BMX: variants seen among roughly 807,000 people sequenced by gnomAD.
BMX encodes cytoplasmic tyrosine-protein kinase BMX.
In BMX, 31 loss-of-function variants were observed where a neutral mutation model predicts 59.2. The ratio of observed to expected loss-of-function variants is 0.52; its 90% CI spans 0.39 to 0.71. The LOEUF is 0.71. Among genes scored for constraint, BMX ranks in the 30% least tolerant of loss-of-function variants. The pLI is 0.00. For synonymous variants in BMX, 185 were observed against 181.0 expected (o/e 1.02, Z -0.18); for missense variants, 474 against 491.7 (o/e 0.96, Z 0.34).
rs773105614 is a variant in BMX at position 15,556,060 on chromosome X, T to C, written c.1954-13T>C. On this transcript the variant is annotated splice_polypyrimidine_tract_variant and intron_variant, in intron 18 of 18. Coordinates refer to ENST00000348343, the MANE Select transcript of BMX (RefSeq NM_203281.3). ...TCATCTAAAACATTGGGTTTCTTGTTGTTTTTGTTTAGCTTCCAGAAAAGC... is the reference window on the plus strand; with the variant it reads ...TCATCTAAAACATTGGGTTTCTTGTCGTTTTTGTTTAGCTTCCAGAAAAGC... The C allele has an allele frequency of 1.7e-6, 2 of 1,196,404 alleles. No individual in the cohort carries two copies. Among genetic ancestry groups the C allele is most frequent in the African/African-American group, 1.8e-5 (1 of 56,687 alleles).
chrX:15,521,606 T>C (rs956813713), intron 6 of BMX, among the ~76,000 whole-genome samples: 3 of 111,260 alleles, frequency 2.7e-5, no homozygotes, highest in Non-Finnish European at 5.7e-5. Context: ...TCCTAAGGGG[T>C]ACTTACATTT....
chrX:15,550,216 T>C (rs1926126733), intron 18 of BMX, among the ~76,000 whole-genome samples: 1 of 111,691 alleles, frequency 9.0e-6, no homozygotes, highest in South Asian at 3.8e-4. Context: ...AAGAACACTA[T>C]AAATATTAAC....
rs1926431225 is a variant in BMX at position 15,556,252 on chromosome X, A to G, written c.*105A>G. 8 of 715,307 alleles carry G rather than the reference A, an allele frequency of 1.1e-5. No individual in the cohort carries two copies. In the South Asian group the frequency reaches 2.5e-4, roughly 23 times the overall value. The allele number at this position is 715,307 out of a possible 1,213,427, so 58.9% of individuals were successfully genotyped here. On this transcript the variant is annotated 3_prime_UTR_variant, in exon 19 of 19. Coordinates refer to ENST00000348343, the MANE Select transcript of BMX (RefSeq NM_203281.3). ...CATAATGTAATTTAGCTAGTTTTTA[A>G]TAGTGTTCTCTGTATTGTCTATTAT...
At chrX:15,554,519 G>GT (rs780036565) in intron 18 of BMX, among the ~76,000 whole-genome samples, 7 of 107,794 alleles carry the variant, frequency 6.5e-5, no homozygotes, top group African/African-American at 2.0e-4. Context: ...GGGTGGGTGG[G>GT]TTTTTTTTTC....
At chrX:15,524,801 C>A (rs934078799) in intron 7 of BMX, among the ~76,000 whole-genome samples, 2 of 111,487 alleles carry the variant, frequency 1.8e-5, no homozygotes, top group Admixed American at 1.9e-4. Flanking sequence ...GCTTAATACC[C>A]CAAATAAAAG....
intron 4 of BMX, among the ~76,000 whole-genome samples, chrX:15,513,786 A>C (rs1388930862): frequency 1.8e-5 from 2 of 111,407 alleles, no homozygotes; most frequent in Non-Finnish European, 3.8e-5. Flanking sequence ...CCTGTACATC[A>C]TAATGTAGTA....
chrX:15,549,954 C>T lies in BMX; in HGVS notation c.1910C>T (p.Ala637Val). Residue 637 changes from alanine to valine, a missense_variant, in exon 18 of 19, where the codon GCA (alanine) becomes GTA (valine). Coordinates refer to ENST00000348343, the MANE Select transcript of BMX (RefSeq NM_203281.3). Reference protein sequence around the residue: ...QGHRLYRPHLASDTIYQIMYS... With the variant: ...QGHRLYRPHLVSDTIYQIMYS... ...CACAGGCTTTACCGGCCCCACCTGG[C>T]ATCGGACACCATCTACCAGATCATG... 5.8e-6 allele frequency: 7 copies of T among 1,209,218 alleles called. No individual in the cohort carries two copies. Among genetic ancestry groups the T allele is most frequent in the Non-Finnish European group, 7.8e-6 (7 of 894,453 alleles).
At chrX:15,537,343 C>A in intron 14 of BMX, 38 bp downstream of exon 14, 4 of 1,190,322 alleles carry the variant, frequency 3.4e-6, no homozygotes, top group Non-Finnish European at 4.5e-6. Flanking sequence ...TAGCCCTCAT[C>A]ATGGGAGGGC....
chrX:15,506,672 G>A (rs1923754497), intron 1 of BMX, among the ~76,000 whole-genome samples: 1 of 111,647 alleles, frequency 9.0e-6, no homozygotes, highest in Non-Finnish European at 1.9e-5. Flanking sequence ...AGTTTGCAAT[G>A]GAAGCAAAGA....
intron 18 of BMX, among the ~76,000 whole-genome samples, chrX:15,551,788 C>G (rs766472872): frequency 9.0e-6 from 1 of 110,706 alleles, no homozygotes; most frequent in South Asian, 3.8e-4. Flanking sequence ...GTTTCCACAC[C>G]TTTTTCTACC....
In BMX at chrX:15,537,137, T is replaced by C; in HGVS notation, c.1226T>C (p.Ile409Thr). The change falls in exon 14 of 19, where the codon ATC (isoleucine) becomes ACC (threonine). Residue 409 changes from isoleucine to threonine, a missense_variant. Physicochemically the swap from Ile to Thr is moderately conservative, Grantham distance 89. Coordinates refer to ENST00000348343, the MANE Select transcript of BMX (RefSeq NM_203281.3). The part of the protein sequence containing the change: ...VPDSVSLGNG[I>T]WELKREEITL... Reference sequence around the variant, plus strand: ...AATGTCCGTCTTGCCTTGTTAGGAATCTGGGAACTGAAAAGAGAAGAGATT... The same window carrying C: ...AATGTCCGTCTTGCCTTGTTAGGAACCTGGGAACTGAAAAGAGAAGAGATT... 1 of 1,210,968 alleles carries C rather than the reference T, an allele frequency of 8.3e-7. No individual in the cohort carries two copies. Among genetic ancestry groups the C allele is most frequent in the South Asian group, 1.8e-5 (1 of 56,945 alleles).
chrX:15,516,935 A>G (rs1327139269), intron 5 of BMX, among the ~76,000 whole-genome samples: 1 of 111,552 alleles, frequency 9.0e-6, no homozygotes, highest in Non-Finnish European at 1.9e-5. Context: ...ACAAAATAGG[A>G]TAACTTATTT....
At chrX:15,501,501 A>T (rs60826916) in intron 1 of BMX, among the ~76,000 whole-genome samples, 291 of 112,517 alleles carry the variant, frequency 2.6e-3, no homozygotes, top group African/African-American at 9.0e-3. Flanking sequence ...ACTCATATCC[A>T]TATAATTTTG....
At chrX:15,529,326 C>T (rs959278251) in intron 9 of BMX, among the ~76,000 whole-genome samples, 1 of 111,545 alleles carries the variant, frequency 9.0e-6, no homozygotes, top group African/African-American at 3.3e-5. Context: ...CCCTTCTACC[C>T]TCACCCCCCT....
intron 9 of BMX, among the ~76,000 whole-genome samples, chrX:15,527,239 C>T (rs1276042291): frequency 8.8e-5 from 3 of 33,948 alleles, no homozygotes; most frequent in African/African-American, 3.6e-4. Context: ...CACACACACA[C>T]ACACACAAAT....
intron 1 of BMX, 136 bp downstream of exon 1, chrX:15,501,076 T>C: frequency 1.9e-6 from 1 of 521,013 alleles, no homozygotes; most frequent in Non-Finnish European, 2.3e-6. Context: ...ATTTTTAATA[T>C]GAAATTGCCA....
chrX:15,538,012 T>C (rs1277285268), intron 14 of BMX, among the ~76,000 whole-genome samples: 2 of 110,834 alleles, frequency 1.8e-5, no homozygotes, highest in African/African-American at 6.6e-5. Flanking sequence ...CTACCAACAA[T>C]ATCCTTTTCC....
chrX:15,516,184 G>A lies in BMX; in HGVS notation c.398G>A (p.Cys133Tyr). 1 of 1,211,007 alleles carries A rather than the reference G, an allele frequency of 8.3e-7. No homozygotes were observed. Among genetic ancestry groups the A allele is most frequent in the Non-Finnish European group, 1.1e-6 (1 of 894,965 alleles). The change falls in exon 5 of 19, where the codon TGC becomes TAC. Residue 133 changes from cysteine (C) to tyrosine (Y), a missense_variant. Physicochemically the swap from Cys to Tyr is radical, Grantham distance 194. Coordinates refer to ENST00000348343, the MANE Select transcript of BMX (RefSeq NM_203281.3). Reference sequence around the variant, plus strand: ...TTCGTGGACGGGAAGTTCCTGTGTTGCCAGCAGAGCTGTAAAGCAGCCCCA... The same window carrying A: ...TTCGTGGACGGGAAGTTCCTGTGTTACCAGCAGAGCTGTAAAGCAGCCCCA... The part of the protein sequence containing the change: ...GFFVDGKFLC[C>Y]QQSCKAAPGC...
chrX:15,538,925 G>T (rs1569228257), intron 14 of BMX, among the ~76,000 whole-genome samples: 1 of 111,408 alleles, frequency 9.0e-6, no homozygotes, highest in Non-Finnish European at 1.9e-5. Flanking sequence ...GTACCTAGAA[G>T]GTACCTAGAA....
Sources: gnomAD v4.1 joint callset for allele counts (sites outside exome capture counted in the v4.1 genomes callset) on GRCh38, gnomAD v4.1.1 for gene constraint, MANE v1.5 for transcripts, NCBI Gene and HGNC (gene_info 2026-07-23, HGNC 2026-07-21) for gene names.